RIMS1: variants seen among roughly 807,000 people sequenced by gnomAD.
RIMS1 encodes the protein regulating synaptic membrane exocytosis 1.
In RIMS1, 83 loss-of-function variants were observed where a neutral mutation model predicts 214.1. The ratio of observed to expected loss-of-function variants is 0.39; its 90% CI spans 0.32 to 0.47. The LOEUF (loss-of-function observed/expected upper bound fraction) is 0.47. Among genes scored for constraint, RIMS1 ranks in the 20% least tolerant of loss-of-function variants. The pLI, the probability that RIMS1 is intolerant of heterozygous loss-of-function variation, is 0.99. For synonymous variants in RIMS1, 793 were observed against 786.8 expected, an observed-to-expected ratio of 1.01 and a Z score of -0.13; for missense variants, 2,050 against 2,161.8, an observed-to-expected ratio of 0.95 and a Z score of 1.03.
At chr6:72,318,450 A>G (rs2095945149) in intron 28 of RIMS1, among the ~76,000 whole-genome samples, 1 of 152,196 alleles carries the variant, frequency 6.6e-6, no homozygotes, top group African/African-American at 2.4e-5. Context: ...CCTAGGAAAA[A>G]AAATGACTGT....
chr6:72,219,814 T>C (rs1159561824), intron 6 of RIMS1, among the ~76,000 whole-genome samples: 3 of 151,942 alleles, frequency 2.0e-5, no homozygotes, highest in African/African-American at 7.2e-5. Flanking sequence ...CTTAATTTTT[T>C]TTTTACTTTT....
chr6:72,295,902 T>C (rs1032470716), intron 26 of RIMS1: 60 of 446,782 alleles, frequency 1.3e-4, no homozygotes, highest in Non-Finnish European at 1.8e-4. Flanking sequence ...TTCTTTCTTT[T>C]GTTTCCATCA....
chr6:71,927,453 T>C (rs1181305775), intron 1 of RIMS1, among the ~76,000 whole-genome samples: 1 of 152,146 alleles, frequency 6.6e-6, no homozygotes, highest in East Asian at 1.9e-4. Context: ...CACAGTGAGT[T>C]AGAATTAAAA....
rs1459969070 is a variant in RIMS1, at chr6:72,149,189, G to C, written c.472-30386G>C. Among the ~76,000 whole-genome samples, 3 of 152,188 alleles carry C rather than the reference G, an allele frequency of 2.0e-5. No individual in the cohort carries two copies. In the East Asian group the frequency reaches 5.8e-4, roughly 29 times the overall value. On this transcript the variant is annotated intron_variant, in intron 4 of 33. Coordinates refer to ENST00000521978, the MANE Select transcript of RIMS1 (RefSeq NM_014989.7). ...TCCTCCCTGTTTCTAAGAATAGACA[G>C]AAACTGCATTTCTTATGACTGGGCC...
intron 29 of RIMS1, among the ~76,000 whole-genome samples, chr6:72,336,784 C>T (rs1594148965): frequency 6.6e-6 from 1 of 151,762 alleles, no homozygotes; most frequent in Non-Finnish European, 1.5e-5. Context: ...ATTATCACTC[C>T]TCTTTGTTTT....
intron 23 of RIMS1, among the ~76,000 whole-genome samples, chr6:72,280,673 A>G (rs947845323): frequency 3.3e-5 from 5 of 152,062 alleles, no homozygotes; most frequent in African/African-American, 7.2e-5. Context: ...ATCCTCAATA[A>G]GAGGGTTAAA....
intron 23 of RIMS1, among the ~76,000 whole-genome samples, chr6:72,277,759 A>G (rs1033639980): frequency 2.0e-5 from 3 of 152,128 alleles, no homozygotes; most frequent in Non-Finnish European, 2.9e-5. Flanking sequence ...CCAATAACAA[A>G]GCATCTCTTT....
intron 26 of RIMS1, among the ~76,000 whole-genome samples, chr6:72,292,615 G>A (rs1035763598): frequency 6.6e-6 from 1 of 152,018 alleles, no homozygotes; most frequent in Middle Eastern, 3.2e-3. Flanking sequence ...AAGAGAGAGA[G>A]AATGTATACG....
chr6:72,396,755 G>T (rs570698767), intron 31 of RIMS1, among the ~76,000 whole-genome samples: 1,713 of 152,302 alleles, frequency 0.011, 18 homozygotes, highest in Non-Finnish European at 0.02. Context: ...GCTCACACCT[G>T]TAATCCCAGC....
chr6:72,286,392 GTGGATAAACA>G (rs2154236263), intron 24 of RIMS1, among the ~76,000 whole-genome samples: 1 of 152,298 alleles, frequency 6.6e-6, no homozygotes, highest in South Asian at 2.1e-4. Flanking sequence ...AATGTAATCT[GTGGATAAACA>G]CAAATCCTCC....
rs927725247 is a variant in RIMS1, at chr6:72,317,475, T to C, written c.4130+3803T>C. 4.1e-5 allele frequency: 7 copies of C among 169,750 alleles called. No individual in the cohort carries two copies. The East Asian group carries it at 9.7e-4, about 24-fold the overall frequency. 10.5% of individuals were successfully genotyped at this position (169,750 alleles called of 1,614,324 possible). ...CAGTAAGCATATACTGAAAGGAATG[T>C]TCTTCTATTTATTTGAGGATTTTAA... On this transcript the variant is annotated intron_variant, in intron 28 of 33. Coordinates refer to ENST00000521978, the MANE Select transcript of RIMS1 (RefSeq NM_014989.7).
At chr6:72,344,278 G>A (rs1265719448) in intron 29 of RIMS1, among the ~76,000 whole-genome samples, 1 of 151,636 alleles carries the variant, frequency 6.6e-6, no homozygotes, top group Non-Finnish European at 1.5e-5. Context: ...ATGTTCTCTG[G>A]TAATTTTAAG....
At chr6:71,929,296 T>C (rs940134255) in intron 1 of RIMS1, among the ~76,000 whole-genome samples, 6 of 152,140 alleles carry the variant, frequency 3.9e-5, no homozygotes, top group African/African-American at 4.8e-5. Flanking sequence ...ACTAACACTT[T>C]GGTAATTCAA....
At chr6:72,338,853 G>GAA (rs1291701219) in intron 29 of RIMS1, among the ~76,000 whole-genome samples, 1 of 96,322 alleles carries the variant, frequency 1.0e-5, no homozygotes, top group Non-Finnish European at 2.1e-5. Flanking sequence ...CTTGTGAAGA[G>GAA]AGAGAGAGAG....
intron 6 of RIMS1, among the ~76,000 whole-genome samples, chr6:72,204,252 A>G (rs575506286): frequency 6.6e-6 from 1 of 152,360 alleles, no homozygotes; most frequent in East Asian, 1.9e-4. Context: ...AGTATTGCTC[A>G]GAGTCTTGAG....
chr6:72,180,510 T>G (rs1449024761), intron 5 of RIMS1, among the ~76,000 whole-genome samples: 1 of 152,120 alleles, frequency 6.6e-6, no homozygotes, highest in Non-Finnish European at 1.5e-5. Context: ...GGTGAGGTGG[T>G]GAAGGGACAG....
chr6:72,291,982 G>T lies in RIMS1; in HGVS notation c.3786G>T (p.Ser1262=). 1.3e-6 allele frequency: 2 copies of T among 1,565,196 alleles called. No homozygotes were observed. The highest frequency in any genetic ancestry group is 1.7e-6 in the Non-Finnish European group (2 of 1,154,886). ...SPTQSPPADT[S]FSSRRGRQLP... ...CACAATCTCCTCCAGCAGACACATC[G>T]TTCAGCAGTCGCAGGGGAAGACAGC... The change falls in exon 26 of 34, where the codon TCG becomes TCT. Residue 1262 remains serine, a synonymous_variant. Transcript: ENST00000521978.
intron 4 of RIMS1, among the ~76,000 whole-genome samples, chr6:72,132,244 C>T (rs2040563644): frequency 6.6e-6 from 1 of 152,064 alleles, no homozygotes; most frequent in African/African-American, 2.4e-5. Flanking sequence ...ATGAAATCTT[C>T]ACAATTTAAG....
At chr6:71,932,374 A>T (rs904039280) in intron 1 of RIMS1, among the ~76,000 whole-genome samples, 3 of 152,132 alleles carry the variant, frequency 2.0e-5, no homozygotes, top group Non-Finnish European at 2.9e-5. Context: ...TAAGGCATGA[A>T]CAGAAAACTA....
Sources: gnomAD v4.1 joint callset for allele counts (sites outside exome capture counted in the v4.1 genomes callset) on GRCh38, gnomAD v4.1.1 for gene constraint, MANE v1.5 for transcripts, NCBI Gene and HGNC (gene_info 2026-07-23, HGNC 2026-07-21) for gene names.